The following SVOP variants were observed in gnomAD, a reference collection of about 807,000 sequenced individuals.
SVOP encodes synaptic vesicle 2-related protein.
A neutral mutation model predicts 69.1 loss-of-function variants in SVOP; 17 were observed. The observed-to-expected ratio is 0.25, with a 90% CI of 0.17 to 0.37. The LOEUF is 0.37. Among genes scored for constraint, SVOP ranks in the 10% least tolerant of loss-of-function variants. The probability of loss-of-function intolerance (pLI) is 1.00; values close to 1 mark genes in which losing one functional copy is unlikely to be tolerated. For synonymous variants in SVOP, 238 were observed against 238.6 expected, an observed-to-expected ratio of 1.00 and a Z score of 0.02; for missense variants, 435 against 597.5, an observed-to-expected ratio of 0.73 and a Z score of 2.84.
At chr12:108,969,735 C>CTTCCTTCCTTCT (rs2040068048) in intron 5 of SVOP, among the ~76,000 whole-genome samples, 2 of 49,716 alleles carry the variant, frequency 4.0e-5, no homozygotes, top group Non-Finnish European at 1.0e-4. Context: ...TCCTTCCTTC[C>CTTCCTTCCTTCT]TCTCTCCTGT....
chr12:108,966,767 G>A (rs944446870), intron 5 of SVOP, among the ~76,000 whole-genome samples: 1 of 152,116 alleles, frequency 6.6e-6, no homozygotes, highest in African/African-American at 2.4e-5. Flanking sequence ...GCCTTCCTGG[G>A]CTTCATCTAT....
At chr12:109,002,838 T>TGG (rs1315414662) in intron 1 of SVOP, among the ~76,000 whole-genome samples, 2 of 146,072 alleles carry the variant, frequency 1.4e-5, no homozygotes, top group African/African-American at 5.0e-5. Context: ...GGGATAGCAT[T>TGG]GGGAGATATA....
intron 1 of SVOP, among the ~76,000 whole-genome samples, chr12:109,010,245 T>C (rs2040333332): frequency 6.6e-6 from 1 of 152,154 alleles, no homozygotes; most frequent in Non-Finnish European, 1.5e-5. Flanking sequence ...AGAATCAGTC[T>C]TGTAGAGCTG....
At chr12:108,934,340 TG>T in intron 10 of SVOP, 69 bp from the exon 11 acceptor site, 1 of 1,342,990 alleles carries the variant, frequency 7.4e-7, no homozygotes, top group Non-Finnish European at 1.0e-6. Context: ...CCTACCCCCT[TG>T]GGAAGGGCCA....
At chr12:108,953,634 T>C (rs944588752) in intron 6 of SVOP, among the ~76,000 whole-genome samples, 3 of 152,232 alleles carry the variant, frequency 2.0e-5, no homozygotes, top group African/African-American at 7.2e-5. Flanking sequence ...CAACTAAATG[T>C]TTCTAAATAA....
chr12:108,967,839 A>C (rs960312049), intron 5 of SVOP, among the ~76,000 whole-genome samples: 1 of 152,214 alleles, frequency 6.6e-6, no homozygotes, highest in Admixed American at 6.5e-5. Flanking sequence ...GAGAACTACT[A>C]TTTTGGAAGG....
chr12:108,982,695 CCA>C (rs2040144526), intron 2 of SVOP, among the ~76,000 whole-genome samples: 1 of 133,312 alleles, frequency 7.5e-6, no homozygotes, highest in African/African-American at 2.8e-5. Context: ...ATCATCATCA[CCA>C]TCATCATCAC....
At chr12:109,008,960 C>CTTTT (rs71079510) in intron 1 of SVOP, among the ~76,000 whole-genome samples, 140 of 112,692 alleles carry the variant, frequency 1.2e-3, no homozygotes, top group Non-Finnish European at 1.7e-3. Context: ...TCTTTTCTTT[C>CTTTT]TTTTTTTTTT....
At chr12:109,016,442 A>T (rs1232307209) in intron 1 of SVOP, among the ~76,000 whole-genome samples, 1 of 151,782 alleles carries the variant, frequency 6.6e-6, no homozygotes, top group African/African-American at 2.4e-5. Context: ...TGATGTCCCA[A>T]CTCCTTGTCA....
At chr12:109,003,238 AG>A (rs2040283824) in intron 1 of SVOP, among the ~76,000 whole-genome samples, 1 of 152,168 alleles carries the variant, frequency 6.6e-6, no homozygotes, top group African/African-American at 2.4e-5. Flanking sequence ...GGAAGTTTTG[AG>A]GGAAGACACA....
At chr12:108,954,708 T>C (rs552093017) in intron 6 of SVOP, among the ~76,000 whole-genome samples, 1 of 152,320 alleles carries the variant, frequency 6.6e-6, no homozygotes, top group East Asian at 1.9e-4. Flanking sequence ...GGCACCATTT[T>C]CTTGCTCTCC....
chr12:108,980,381 G>A (rs2040128851), intron 2 of SVOP, among the ~76,000 whole-genome samples: 1 of 152,166 alleles, frequency 6.6e-6, no homozygotes, highest in Non-Finnish European at 1.5e-5. Context: ...TAAAGGGTAT[G>A]TGAGAAATGT....
intron 12 of SVOP, among the ~76,000 whole-genome samples, chr12:108,920,934 C>T (rs1197609458): frequency 6.6e-6 from 1 of 152,128 alleles, no homozygotes; most frequent in Non-Finnish European, 1.5e-5. Flanking sequence ...GTCATCAAAA[C>T]GATCCTCTAA....
At chr12:108,949,552 G>C (rs2039943332) in intron 6 of SVOP, among the ~76,000 whole-genome samples, 1 of 152,032 alleles carries the variant, frequency 6.6e-6, no homozygotes, top group Non-Finnish European at 1.5e-5. Flanking sequence ...TTACAGGCAT[G>C]AGCTACTGTG....
At chr12:108,949,770 T>C (rs2039944541) in intron 6 of SVOP, among the ~76,000 whole-genome samples, 1 of 151,826 alleles carries the variant, frequency 6.6e-6, no homozygotes, top group African/African-American at 2.4e-5. Context: ...TCTTAGCATG[T>C]CCACGCATGC....
chr12:108,925,124 A>G (rs1251456350), intron 11 of SVOP, among the ~76,000 whole-genome samples: 4 of 152,114 alleles, frequency 2.6e-5, no homozygotes, highest in African/African-American at 9.7e-5. Context: ...TATAGTTTCC[A>G]TGGATTGACC....
At chr12:109,009,772 T>C (rs1382206209) in intron 1 of SVOP, among the ~76,000 whole-genome samples, 1 of 152,098 alleles carries the variant, frequency 6.6e-6, no homozygotes, top group African/African-American at 2.4e-5. Context: ...CGGCAATGTC[T>C]AGAGACAGCT....
At chr12:108,989,603 C>T (rs1458995284) in intron 1 of SVOP, among the ~76,000 whole-genome samples, 1 of 152,118 alleles carries the variant, frequency 6.6e-6, no homozygotes, top group Admixed American at 6.6e-5. Flanking sequence ...GCCACACCAC[C>T]CCCAGCAGTG....
intron 11 of SVOP, among the ~76,000 whole-genome samples, chr12:108,930,695 A>G (rs577373689): frequency 2.0e-5 from 3 of 152,246 alleles, no homozygotes; most frequent in Admixed American, 6.5e-5. Context: ...TCGGCTCCCA[A>G]AGTCCTGGGA....
Sources: gnomAD v4.1 joint callset for allele counts (sites outside exome capture counted in the v4.1 genomes callset) on GRCh38, gnomAD v4.1.1 for gene constraint, MANE v1.5 for transcripts, NCBI Gene and HGNC (gene_info 2026-07-23, HGNC 2026-07-21) for gene names.